Variants in EPB41 observed in about 807,000 individuals in gnomAD.
EPB41 encodes protein 4.1.
A neutral mutation model predicts 108.0 loss-of-function variants in EPB41; 65 were observed. The observed-to-expected ratio is 0.60, with a 90% CI of 0.49 to 0.74. EPB41 has a LOEUF of 0.74. Among genes scored for constraint, EPB41 ranks in the 30% least tolerant of loss-of-function variants. EPB41 has a pLI of 0.00. For synonymous variants in EPB41, 336 were observed against 358.9 expected, an observed-to-expected ratio of 0.94 and a Z score of 0.72; for missense variants, 875 against 1,037.0, an observed-to-expected ratio of 0.84 and a Z score of 2.15.
intron 1 of EPB41, among the ~76,000 whole-genome samples, chr1:28,936,784 T>C (rs1218185909): frequency 6.6e-6 from 1 of 152,248 alleles, no homozygotes; most frequent in Non-Finnish European, 1.5e-5. Context: ...TATTCTATTG[T>C]ATATCACATT....
intron 1 of EPB41, among the ~76,000 whole-genome samples, chr1:28,897,740 CT>C: frequency 6.6e-6 from 1 of 152,200 alleles, no homozygotes; most frequent in Admixed American, 6.5e-5. Flanking sequence ...CTCTCTTGCC[CT>C]CCTTTTCCTT....
At chr1:29,032,349 T>C (rs2096801194) in intron 8 of EPB41, among the ~76,000 whole-genome samples, 1 of 152,210 alleles carries the variant, frequency 6.6e-6, no homozygotes, top group African/African-American at 2.4e-5. Flanking sequence ...AAGTGAAATG[T>C]AGTTATACCC....
intron 1 of EPB41, among the ~76,000 whole-genome samples, chr1:28,982,084 C>T (rs2095762674): frequency 6.6e-6 from 1 of 151,872 alleles, no homozygotes; most frequent in Admixed American, 6.6e-5. Context: ...GTGATGTTCC[C>T]CTTCCTGTGT....
chr1:29,094,139 G>A (rs1412351671), intron 16 of EPB41, among the ~76,000 whole-genome samples: 1 of 151,918 alleles, frequency 6.6e-6, no homozygotes. Context: ...GCTTGTTTTT[G>A]TCAGCTTTGT....
intron 11 of EPB41, among the ~76,000 whole-genome samples, chr1:29,051,879 CAG>C (rs1644584348): frequency 7.4e-6 from 1 of 135,342 alleles, no homozygotes; most frequent in Non-Finnish European, 1.5e-5. Flanking sequence ...GCCTAGGCGA[CAG>C]GGCAAGACTC....
At chr1:29,103,109 T>C (rs1666010289) in intron 17 of EPB41, among the ~76,000 whole-genome samples, 1 of 152,110 alleles carries the variant, frequency 6.6e-6, no homozygotes. Flanking sequence ...GGGTTTCACC[T>C]TGTGGGCCAG....
intron 7 of EPB41, among the ~76,000 whole-genome samples, chr1:29,019,041 A>G (rs137897309): frequency 1.0e-3 from 152 of 152,264 alleles, no homozygotes; most frequent in Non-Finnish European, 1.9e-3. Context: ...TTTCAATTAT[A>G]ATGTCTCTGA....
chr1:29,032,465 G>C (rs2096802467), intron 8 of EPB41, among the ~76,000 whole-genome samples: 1 of 152,098 alleles, frequency 6.6e-6, no homozygotes, highest in African/African-American at 2.4e-5. Context: ...AACACGTGTA[G>C]GCACTAATAT....
intron 1 of EPB41, among the ~76,000 whole-genome samples, chr1:28,905,744 A>C (rs952698546): frequency 3.3e-5 from 5 of 151,924 alleles, no homozygotes; most frequent in Non-Finnish European, 7.4e-5. Flanking sequence ...TCATACAGCA[A>C]ATTTATTGTG....
rs139239900 is a variant in EPB41, at chr1:28,970,478, A to T, written c.-7-16953A>T. On this transcript the variant is annotated intron_variant, in intron 1 of 20. Coordinates refer to ENST00000343067, the MANE Select transcript of EPB41 (RefSeq NM_001376013.1). Reference sequence around the variant, plus strand: ...AACTAAAACCCCTTTGTAGCTAGAAATCTTCAGGCTTTGTTTATATTTACC... The same window carrying T: ...AACTAAAACCCCTTTGTAGCTAGAATTCTTCAGGCTTTGTTTATATTTACC... Among the ~76,000 whole-genome samples the T allele has an allele frequency of 2.6e-5, 4 of 152,342 alleles. No individual in the cohort carries two copies. The East Asian group carries it at 5.8e-4, about 22-fold the overall frequency.
At chr1:29,087,723 T>C (rs1338070304) in intron 16 of EPB41, among the ~76,000 whole-genome samples, 1 of 152,162 alleles carries the variant, frequency 6.6e-6, no homozygotes, top group Non-Finnish European at 1.5e-5. Flanking sequence ...TTATAACTCA[T>C]AAAGGCATAT....
intron 1 of EPB41, among the ~76,000 whole-genome samples, chr1:28,905,092 G>C (rs2091676960): frequency 6.6e-6 from 1 of 151,404 alleles, no homozygotes; most frequent in Non-Finnish European, 1.5e-5. Context: ...CTAGCTACTT[G>C]GGAGGCTGAG....
chr1:29,043,329 A>G (rs1004338909), intron 11 of EPB41, among the ~76,000 whole-genome samples: 1 of 152,190 alleles, frequency 6.6e-6, no homozygotes, highest in Admixed American at 6.5e-5. Flanking sequence ...AATCTGGGGA[A>G]AGAGCCTTGC....
intron 16 of EPB41, among the ~76,000 whole-genome samples, chr1:29,093,720 C>A (rs1256185999): frequency 1.3e-5 from 2 of 152,160 alleles, no homozygotes; most frequent in African/African-American, 4.8e-5. Flanking sequence ...GCCTGACCAA[C>A]ATGGTGAAAC....
intron 4 of EPB41, among the ~76,000 whole-genome samples, chr1:29,005,629 A>G (rs527580508): frequency 2.8e-4 from 42 of 152,342 alleles, no homozygotes; most frequent in African/African-American, 9.9e-4. Flanking sequence ...TGACTAGGCA[A>G]TAGCAGTAAG....
At chr1:28,955,845 T>G (rs546471268) in intron 1 of EPB41, among the ~76,000 whole-genome samples, 1 of 152,354 alleles carries the variant, frequency 6.6e-6, no homozygotes, top group Admixed American at 6.5e-5. Flanking sequence ...CTGTTTTAAC[T>G]ACCGTAAGAA....
intron 15 of EPB41, 51 bp downstream of exon 15, chr1:29,060,535 A>T: frequency 6.6e-7 from 1 of 1,504,996 alleles, no homozygotes; most frequent in South Asian, 1.1e-5. Flanking sequence ...AACCTTCTGC[A>T]TTCTTTGCTG....
chr1:28,962,332 A>G (rs1311845402), intron 1 of EPB41, among the ~76,000 whole-genome samples: 1 of 152,104 alleles, frequency 6.6e-6, no homozygotes, highest in African/African-American at 2.4e-5. Flanking sequence ...AAATGCTGGG[A>G]TTATTACAGA....
intron 11 of EPB41, among the ~76,000 whole-genome samples, chr1:29,052,859 G>GCATT (rs1644756196): frequency 6.6e-6 from 1 of 151,970 alleles, no homozygotes; most frequent in Admixed American, 6.6e-5. Flanking sequence ...CCTGAATTCA[G>GCATT]CATTCATGGA....
Sources: gnomAD v4.1 joint callset for allele counts (sites outside exome capture counted in the v4.1 genomes callset) on GRCh38, gnomAD v4.1.1 for gene constraint, MANE v1.5 for transcripts, NCBI Gene and HGNC (gene_info 2026-07-23, HGNC 2026-07-21) for gene names.